Variants in ADAM22 observed in about 807,000 individuals in gnomAD.
ADAM22 encodes the protein ADAM metallopeptidase domain 22.
ADAM22 carries 65 observed loss-of-function variants against 144.6 expected under a neutral mutation model. The observed-to-expected ratio is 0.45, with a 90% CI of 0.37 to 0.55. ADAM22 has a LOEUF of 0.55. Among genes scored for constraint, ADAM22 ranks in the 20% least tolerant of loss-of-function variants. The pLI, the probability that ADAM22 is intolerant of heterozygous loss-of-function variation, is 0.00. For synonymous variants in ADAM22, 391 were observed against 412.6 expected (o/e 0.95, Z 0.63); for missense variants, 974 against 1,184.9 (o/e 0.82, Z 2.61).
At chr7:88,008,463 C>G (rs1453040348) in intron 3 of ADAM22, among the ~76,000 whole-genome samples, 17 of 152,064 alleles carry the variant, frequency 1.1e-4, no homozygotes, top group African/African-American at 3.9e-4. Context: ...ATGTTTATTG[C>G]AGCACTATTC....
chr7:87,971,704 A>G (rs1242709866), intron 2 of ADAM22, among the ~76,000 whole-genome samples: 4 of 152,174 alleles, frequency 2.6e-5, no homozygotes, highest in Non-Finnish European at 4.4e-5. Flanking sequence ...CCCCCACCAA[A>G]GGAAATTCTT....
intron 3 of ADAM22, among the ~76,000 whole-genome samples, chr7:88,001,591 A>G (rs529918736): frequency 1.4e-3 from 220 of 152,058 alleles, no homozygotes; most frequent in Non-Finnish European, 2.2e-3. Flanking sequence ...AAGGCTCCCT[A>G]ATTTTATAGG....
intron 4 of ADAM22, among the ~76,000 whole-genome samples, chr7:88,105,054 T>A (rs919330330): frequency 5.3e-5 from 8 of 152,172 alleles, no homozygotes; most frequent in Admixed American, 2.0e-4. Flanking sequence ...AATGAATTAT[T>A]TGTCCTTTTT....
intron 29 of ADAM22, among the ~76,000 whole-genome samples, chr7:88,185,540 G>T (rs187304376): frequency 1.3e-5 from 2 of 152,092 alleles, no homozygotes; most frequent in Non-Finnish European, 2.9e-5. Flanking sequence ...ATTGTCTATA[G>T]TAGCCCTAGA....
chr7:88,129,471 CTAATAA>C lies in ADAM22; in HGVS notation c.753+805_753+810del, dbSNP rs549631500. On this transcript the variant is annotated intron_variant, in intron 9 of 31. Transcript: ENST00000413139. ...ATTTAGATCTTAATTATTACAGTTG[CTAATAA>C]TAATAATAACAACACAATCAGGATT... is the stretch of plus-strand genomic sequence containing the variant. 1.8e-4 allele frequency among the ~76,000 whole-genome samples: 27 copies of C among 151,896 alleles called. No individual in the cohort carries two copies. The East Asian group carries it at 5.2e-3, about 29-fold the overall frequency.
intron 3 of ADAM22, among the ~76,000 whole-genome samples, chr7:87,999,564 T>G (rs1393478680): frequency 1.3e-5 from 2 of 152,204 alleles, no homozygotes; most frequent in Non-Finnish European, 2.9e-5. Context: ...TGTGTCACCC[T>G]AAAAACACCC....
chr7:88,043,968 T>G (rs1272743357), intron 3 of ADAM22, among the ~76,000 whole-genome samples: 1 of 152,244 alleles, frequency 6.6e-6, no homozygotes, highest in East Asian at 1.9e-4. Flanking sequence ...TTCATCTGTT[T>G]TTATAAATGT....
intron 3 of ADAM22, among the ~76,000 whole-genome samples, chr7:88,030,920 T>A (rs1349906812): frequency 6.6e-6 from 1 of 152,080 alleles, no homozygotes; most frequent in Non-Finnish European, 1.5e-5. Flanking sequence ...ATTGAGACCA[T>A]CCTGGCTAAC....
At chr7:88,158,360 C>T (rs562433303) in intron 22 of ADAM22, among the ~76,000 whole-genome samples, 1 of 152,246 alleles carries the variant, frequency 6.6e-6, no homozygotes, top group Non-Finnish European at 1.5e-5. Context: ...AGAAAATTAA[C>T]AAAGATATTC....
rs1811391948 is a variant in ADAM22 at position 88,066,888 on chromosome 7, T to C, written c.324-8738T>C. ...AAGATTAAGACTAAGAATTAACTGT[T>C]AGATTTAACGATATAGAGGTAGCTA... On this transcript the variant is annotated intron_variant, in intron 3 of 31. Coordinates refer to ENST00000413139, the MANE Select transcript of ADAM22 (RefSeq NM_001324418.2). Among the ~76,000 whole-genome samples the C allele has an allele frequency of 2.0e-5, 3 of 152,290 alleles. No individual in the cohort carries two copies. In the South Asian group the frequency reaches 6.2e-4, roughly 32 times the overall value.
At chr7:88,098,846 A>G (rs13438535) in intron 4 of ADAM22, among the ~76,000 whole-genome samples, 194 of 152,170 alleles carry the variant, frequency 1.3e-3, no homozygotes, top group African/African-American at 4.5e-3. Context: ...TTTTAAGTCC[A>G]TAATATGCCT....
intron 8 of ADAM22, among the ~76,000 whole-genome samples, chr7:88,127,532 GT>G (rs1009939538): frequency 1.3e-5 from 2 of 151,530 alleles, no homozygotes; most frequent in African/African-American, 4.8e-5. Flanking sequence ...TTATTCTTTG[GT>G]TTCCAACCTC....
intron 2 of ADAM22, among the ~76,000 whole-genome samples, chr7:87,974,404 A>G (rs1851383203): frequency 6.6e-6 from 1 of 152,196 alleles, no homozygotes; most frequent in South Asian, 2.1e-4. Context: ...AGGTTCCTGA[A>G]TATTGGAAGA....
intron 19 of ADAM22, 43 bp downstream of exon 19, chr7:88,151,074 CATGAAAGGA>C: frequency 6.3e-7 from 1 of 1,582,922 alleles, no homozygotes; most frequent in Non-Finnish European, 8.7e-7. Flanking sequence ...CATGTACCAG[CATGAAAGGA>C]ATACTGAAAT....
At chr7:87,941,353 G>A (rs1461769096) in intron 2 of ADAM22, among the ~76,000 whole-genome samples, 1 of 152,150 alleles carries the variant, frequency 6.6e-6, no homozygotes, top group East Asian at 1.9e-4. Context: ...ATATTCCTGT[G>A]CATGGATGAG....
At chr7:88,148,443 A>C (rs1421675237) in intron 17 of ADAM22, among the ~76,000 whole-genome samples, 1 of 152,160 alleles carries the variant, frequency 6.6e-6, no homozygotes, top group East Asian at 1.9e-4. Flanking sequence ...TGCCTATATG[A>C]AGACTTAAAT....
At chr7:88,073,875 G>C (rs1813481118) in intron 3 of ADAM22, among the ~76,000 whole-genome samples, 1 of 152,200 alleles carries the variant, frequency 6.6e-6, no homozygotes, top group Admixed American at 6.5e-5. Context: ...CCTAGTCAGT[G>C]GCTGTGGCTT....
At chr7:88,108,088 G>T in intron 4 of ADAM22, 88 bp from the exon 5 acceptor site, 2 of 904,824 alleles carry the variant, frequency 2.2e-6, no homozygotes, top group Non-Finnish European at 3.5e-6. Context: ...AGATGTGGAG[G>T]TGCATTGTGA....
At chr7:87,993,564 A>G (rs1308023623) in intron 3 of ADAM22, among the ~76,000 whole-genome samples, 1 of 152,204 alleles carries the variant, frequency 6.6e-6, no homozygotes, top group Non-Finnish European at 1.5e-5. Context: ...TCAGAAAGTC[A>G]GTATGCCTCA....
Sources: allele counts gnomAD v4.1 joint callset (sites outside exome capture counted in the v4.1 genomes callset), GRCh38; gene constraint gnomAD v4.1.1; transcripts MANE v1.5; gene names NCBI Gene and HGNC (gene_info 2026-07-23, HGNC 2026-07-21).